The following PATL2 variants were observed in gnomAD, a reference collection of about 807,000 sequenced individuals.
PATL2 encodes protein PAT1 homolog 2.
PATL2 carries 73 observed loss-of-function variants against 77.0 expected under a neutral mutation model. The ratio of observed to expected loss-of-function variants is 0.95; its 90% CI spans 0.78 to 1.15. The LOEUF (loss-of-function observed/expected upper bound fraction) is 1.15, where lower values mean the gene tolerates loss of function less well. Ranked by LOEUF, PATL2 falls within the 50% of genes most tolerant of loss-of-function variation. The pLI is 0.00. For missense variants in PATL2, 618 were observed against 655.4 expected, an observed-to-expected ratio of 0.94 and a Z score of 0.62; for synonymous variants, 265 against 257.1, an observed-to-expected ratio of 1.03 and a Z score of -0.29.
chr15:44,668,191 A>G (rs2085478629), intron 15 of PATL2, 151 bp downstream of exon 15: 1 of 1,054,972 alleles, frequency 9.5e-7, no homozygotes, highest in Non-Finnish European at 1.3e-6. Context: ...TGGGTTTAAT[A>G]AGCTTCCAGG....
At chr15:44,686,149 T>G (rs1271075960) in intron 3 of PATL2, among the ~76,000 whole-genome samples, 1 of 152,122 alleles carries the variant, frequency 6.6e-6, no homozygotes, top group Non-Finnish European at 1.5e-5. Context: ...ATTGACCACA[T>G]AATTGGAAGT....
chr15:44,675,555 G>A lies in PATL2; in HGVS notation c.153C>T (p.Asp51=), dbSNP rs1480215389. ...EDEEDLDPDL[D]PDLEEEENDL... ...CATTCTCTTCCTCCTCTAGGTCTGGGTCCAGATCTGGGTCCAGATCCTCCT... is the reference window on the plus strand; with the variant it reads ...CATTCTCTTCCTCCTCTAGGTCTGGATCCAGATCTGGGTCCAGATCCTCCT... Residue 51 remains aspartate (D), a synonymous_variant, in exon 5 of 18, where the codon GAC becomes GAT. Transcript: ENST00000682850. 19 of 1,551,350 alleles carry A rather than the reference G, an allele frequency of 1.2e-5. No individual in the cohort carries two copies. In the Admixed American group the frequency reaches 3.7e-4, roughly 30 times the overall value.
intron 2 of PATL2, among the ~76,000 whole-genome samples, chr15:44,710,650 T>G (rs2141282132): frequency 6.6e-6 from 1 of 152,272 alleles, no homozygotes; most frequent in South Asian, 2.1e-4. Context: ...TACAGTTTAT[T>G]TATATATTCA....
At chr15:44,676,409 G>C (rs1407016808) in intron 4 of PATL2, 66 bp downstream of exon 4, 11 of 1,392,018 alleles carry the variant, frequency 7.9e-6, no homozygotes, top group African/African-American at 1.4e-5. Context: ...TCCCATATGT[G>C]AAACAGACCA....
chr15:44,681,257 C>T (rs1353143910), intron 3 of PATL2, among the ~76,000 whole-genome samples: 6 of 152,242 alleles, frequency 3.9e-5, no homozygotes, highest in East Asian at 1.9e-4. Flanking sequence ...GGGCTCAAGT[C>T]GTCCTCCCAC....
At chr15:44,707,836 C>G (rs924035128) in intron 3 of PATL2, among the ~76,000 whole-genome samples, 2 of 152,198 alleles carry the variant, frequency 1.3e-5, no homozygotes, top group African/African-American at 4.8e-5. Context: ...CCTAGACTGC[C>G]TTTCAAGTTT....
At chr15:44,675,737 C>G (rs1270360599) in intron 4 of PATL2, 46 bp from the exon 5 acceptor site, 9 of 1,482,878 alleles carry the variant, frequency 6.1e-6, no homozygotes, top group Non-Finnish European at 8.1e-6. Context: ...TGGGGCTCAG[C>G]TGTGAGTCTT....
intron 3 of PATL2, among the ~76,000 whole-genome samples, chr15:44,709,062 C>T (rs892384871): frequency 1.3e-5 from 2 of 152,046 alleles, no homozygotes; most frequent in Non-Finnish European, 2.9e-5. Flanking sequence ...CCATGCCTAG[C>T]TAATTTTTGT....
intron 3 of PATL2, among the ~76,000 whole-genome samples, chr15:44,678,788 A>T (rs1049584484): frequency 6.6e-6 from 1 of 151,958 alleles, no homozygotes. Context: ...TCTATTAAAA[A>T]TTTTTTCTTA....
At chr15:44,708,149 C>G (rs148731080) in intron 3 of PATL2, among the ~76,000 whole-genome samples, 2 of 152,254 alleles carry the variant, frequency 1.3e-5, no homozygotes, top group African/African-American at 2.4e-5. Flanking sequence ...CTGTCTTACC[C>G]TCTTCAGTTA....
At position 44,666,558 on chromosome 15, in the gene PATL2, T is replaced by TAA. The variant is rs1211695054; in HGVS notation, c.1464-19_1464-18dup. 2 of 1,498,508 alleles carry TAA rather than the reference T, an allele frequency of 1.3e-6. No homozygotes were observed. The highest frequency in any genetic ancestry group is 1.8e-6 in the Non-Finnish European group (2 of 1,124,998). The allele number at this position is 1,498,508 out of a possible 1,614,324, so 92.8% of individuals were successfully genotyped here. A position where few individuals can be genotyped will look rare whatever the true frequency, so the allele number is the denominator to read the frequency against. On this transcript the variant is annotated splice_polypyrimidine_tract_variant and intron_variant, in intron 16 of 17. Coordinates refer to ENST00000682850, the MANE Select transcript of PATL2 (RefSeq NM_001387263.1). ...ATGTCTGTCCTAGAGAGCATAAATA[T>TAA]AAATATAAGCAAATAGATTTGCTTA...
At chr15:44,700,587 C>A (rs1040788161) in intron 3 of PATL2, among the ~76,000 whole-genome samples, 3 of 152,162 alleles carry the variant, frequency 2.0e-5, no homozygotes, top group African/African-American at 7.2e-5. Context: ...CAGCTGTGAG[C>A]CACCATGCCT....
chr15:44,668,947 G>C (rs9672741), intron 14 of PATL2, 33 bp downstream of exon 14: 1 of 1,499,050 alleles, frequency 6.7e-7, no homozygotes, highest in East Asian at 2.5e-5. Flanking sequence ...CTATTCAGGA[G>C]ACCATCCTCT....
intron 3 of PATL2, among the ~76,000 whole-genome samples, chr15:44,696,384 G>T (rs938864771): frequency 6.6e-6 from 1 of 152,106 alleles, no homozygotes. Flanking sequence ...GCTTTTAATA[G>T]GCTTATAATT....
intron 3 of PATL2, among the ~76,000 whole-genome samples, chr15:44,686,813 GAT>G (rs1257000387): frequency 2.0e-5 from 3 of 152,074 alleles, no homozygotes; most frequent in Non-Finnish European, 4.4e-5. Flanking sequence ...AGAAGAAATG[GAT>G]AAATTCCTGG....
Position 44,669,152 on chromosome 15 carries a change from G to C in PATL2, c.1065-13C>G, listed in dbSNP as rs1316129160. Reference sequence around the variant, plus strand: ...ATCTGCTGCCTCTCTGCAAGGGAGAGAGGAGAACATTTTCAGAGCTCTGCA... The same window carrying C: ...ATCTGCTGCCTCTCTGCAAGGGAGACAGGAGAACATTTTCAGAGCTCTGCA... On this transcript the variant is annotated splice_polypyrimidine_tract_variant and intron_variant, in intron 13 of 17. Transcript: ENST00000682850. 2 of 1,527,632 alleles carry C rather than the reference G, an allele frequency of 1.3e-6. No homozygotes were observed. Among genetic ancestry groups the C allele is most frequent in the East Asian group, 4.9e-5 (2 of 40,460 alleles). The allele number at this position is 1,527,632 out of a possible 1,614,324, so 94.6% of individuals were successfully genotyped here.
chr15:44,705,584 T>C (rs1487305133), intron 3 of PATL2, among the ~76,000 whole-genome samples: 1 of 152,214 alleles, frequency 6.6e-6, no homozygotes, highest in Non-Finnish European at 1.5e-5. Flanking sequence ...TCTGATTATA[T>C]TTTCAAATTG....
chr15:44,706,422 T>C (rs932888659), intron 3 of PATL2, among the ~76,000 whole-genome samples: 1 of 152,234 alleles, frequency 6.6e-6, no homozygotes, highest in African/African-American at 2.4e-5. Flanking sequence ...CTGTTGTATC[T>C]TTTTTGATTT....
intron 3 of PATL2, among the ~76,000 whole-genome samples, chr15:44,687,004 A>T (rs1311262153): frequency 6.6e-6 from 1 of 152,236 alleles, no homozygotes; most frequent in Non-Finnish European, 1.5e-5. Flanking sequence ...ATTCCTTCTG[A>T]AACTATTCCA....
Sources: gnomAD v4.1 joint callset for allele counts (sites outside exome capture counted in the v4.1 genomes callset) on GRCh38, gnomAD v4.1.1 for gene constraint, MANE v1.5 for transcripts, NCBI Gene and HGNC (gene_info 2026-07-23, HGNC 2026-07-21) for gene names.